Variants in NFKBIL1 observed in about 807,000 individuals in gnomAD.
NFKBIL1 encodes the protein NFKB inhibitor like 1.
NFKBIL1 carries 30 observed loss-of-function variants against 45.4 expected under a neutral mutation model. That is an observed-to-expected ratio of 0.66 (90% confidence interval 0.49 to 0.90). The LOEUF is 0.90. NFKBIL1 is among the 40% of genes least tolerant of loss of function. The pLI, the probability that NFKBIL1 is intolerant of heterozygous loss-of-function variation, is 0.00. For synonymous variants in NFKBIL1, 179 were observed against 197.3 expected, an observed-to-expected ratio of 0.91 and a Z score of 0.78; for missense variants, 434 against 513.4, an observed-to-expected ratio of 0.85 and a Z score of 1.49.
chr6:31,558,609 T>G lies in NFKBIL1; in HGVS notation c.1144T>G (p.Ter382GlyextTer2). The change falls in exon 4 of 4, where the codon TGA becomes GGA. Residue 382 changes from the stop codon to glycine, a stop_lost. Coordinates refer to ENST00000376148, the MANE Select transcript of NFKBIL1 (RefSeq NM_005007.4). This position sits in a 1 kb window ranked among gnomAD's most constrained non-coding sequence, Gnocchi z 7.2. Reference sequence around the variant, plus strand: ...GAATCGCCATGCAGAGGCCCTCAAGTGACCCTAGGGAAGAAGCAAGAAACT... The same window carrying G: ...GAATCGCCATGCAGAGGCCCTCAAGGGACCCTAGGGAAGAAGCAAGAAACT... Reference protein sequence around the residue: ...ALNRHAEALK* With the variant: ...ALNRHAEALKG The G allele has an allele frequency of 1.3e-6, 2 of 1,548,132 alleles. No homozygotes were observed. The highest frequency in any genetic ancestry group is 2.4e-5 in the South Asian group (2 of 84,044).
chr6:31,553,137 G>A (rs1182308932), intron 2 of NFKBIL1, among the ~76,000 whole-genome samples: 2 of 150,762 alleles, frequency 1.3e-5, no homozygotes, highest in African/African-American at 2.4e-5. Flanking sequence ...CGCCTCCCGG[G>A]TTCAAGCAAT....
chr6:31,558,659 G>A lies in NFKBIL1; in HGVS notation c.*48G>A. The A allele has an allele frequency of 1.4e-6, 2 of 1,459,772 alleles. No individual in the cohort carries two copies. Among genetic ancestry groups the A allele is most frequent in the Non-Finnish European group, 1.9e-6 (2 of 1,078,600 alleles). The allele number at this position is 1,459,772 out of a possible 1,614,324, so 90.4% of individuals were successfully genotyped here. A position where few individuals can be genotyped will look rare whatever the true frequency, so the allele number is the denominator to read the frequency against. Reference sequence around the variant, plus strand: ...TTCGGGGCTGCAGCCTCAGGATGAGGCAGAAGGAAGGGTAAGGGAAAGGAT... The same window carrying A: ...TTCGGGGCTGCAGCCTCAGGATGAGACAGAAGGAAGGGTAAGGGAAAGGAT... On this transcript the variant is annotated 3_prime_UTR_variant, in exon 4 of 4. Coordinates refer to ENST00000376148, the MANE Select transcript of NFKBIL1 (RefSeq NM_005007.4). This position sits in a 1 kb window ranked among gnomAD's most constrained non-coding sequence, Gnocchi z 7.2.
upstream of NFKBIL1, chr6:31,547,537 C>T (rs1769117985): frequency 2.0e-6 from 1 of 490,486 alleles, no homozygotes. Context: ...GGTAACGCCC[C>T]TCACAGTTCA....
At position 31,557,400 on chromosome 6, in the gene NFKBIL1, G is replaced by A. The variant is rs1769804513; in HGVS notation, c.335-228G>A. On this transcript the variant is annotated intron_variant, in intron 2 of 3. Transcript: ENST00000376148. This position sits in a 1 kb window ranked among gnomAD's most constrained non-coding sequence, Gnocchi z 5.4. ...TGGGATTACAGGCGTGAGCCACCGC[G>A]CCTGGCCGAGAATATTTTAAACTAC... Among the ~76,000 whole-genome samples, 1 of 152,138 alleles carries A rather than the reference G, an allele frequency of 6.6e-6. No individual in the cohort carries two copies. Among genetic ancestry groups the A allele is most frequent in the South Asian group, 2.1e-4 (1 of 4,832 alleles).
chr6:31,550,141 T>C (rs114205738), intron 2 of NFKBIL1, among the ~76,000 whole-genome samples: 4,649 of 150,394 alleles, frequency 0.031, 113 homozygotes, highest in Non-Finnish European at 0.047. Context: ...ACAGAGGTTG[T>C]GGTGAGCCGA....
In NFKBIL1 at chr6:31,548,417, T is replaced by C; in HGVS notation, c.312T>C (p.Ala104=). ...GCCATGGGGACACGGCACTGCATGC[T>C]GCTGCCCGCCAGGGCCCAGATGGTG... The part of the protein sequence containing the change: ...QDRHGDTALH[A]AARQGPDAYT... Residue 104 remains alanine (A), a synonymous_variant, in exon 2 of 4, where the codon GCT becomes GCC. Coordinates refer to ENST00000376148, the MANE Select transcript of NFKBIL1 (RefSeq NM_005007.4). 2 of 1,513,284 alleles carry C rather than the reference T, an allele frequency of 1.3e-6. No individual in the cohort carries two copies. The highest frequency in any genetic ancestry group is 1.8e-6 in the Non-Finnish European group (2 of 1,136,544). 93.7% of individuals were successfully genotyped at this position (1,513,284 alleles called of 1,614,324 possible). A position where few individuals can be genotyped will look rare whatever the true frequency, so the allele number is the denominator to read the frequency against.
rs1027713061 is a variant in NFKBIL1 at position 31,558,110 on chromosome 6, G to T, written c.645G>T (p.Gln215His). 3.2e-5 allele frequency: 52 copies of T among 1,612,230 alleles called. No homozygotes were observed. Among genetic ancestry groups the T allele is most frequent in the Non-Finnish European group, 4.2e-5 (50 of 1,179,858 alleles). Residue 215 changes from glutamine (Q) to histidine (H), a missense_variant, in exon 4 of 4, where the codon CAG (glutamine) becomes CAT (histidine). This residue lies in a region of NFKBIL1 where 23 missense variants were observed against 46.9 expected (regional missense o/e 0.49). Transcript: ENST00000376148. This position sits in a 1 kb window ranked among gnomAD's most constrained non-coding sequence, Gnocchi z 7.2. ...LAREHAQKCQQQQREAEGSRR... is the reference protein window; with the variant it reads ...LAREHAQKCQHQQREAEGSRR... ...GGGAACATGCCCAGAAGTGCCAGCA[G>T]CAGCAGCGAGAAGCAGAGGGATCCC...
At position 31,548,278 on chromosome 6, in the gene NFKBIL1, G is replaced by C; in HGVS notation, c.173G>C (p.Gly58Ala). The change falls in exon 2 of 4, where the codon GGC becomes GCC. Residue 58 changes from glycine (G) to alanine (A), a missense_variant. By Grantham distance (60) the Gly-to-Ala change is moderately conservative. Coordinates refer to ENST00000376148, the MANE Select transcript of NFKBIL1 (RefSeq NM_005007.4). ...RAQALLQRHP[G>A]LDVDAGQPPP... is the part of the protein sequence containing the mutation. ...CAGGCCCTCCTCCAGCGACACCCAGGCCTCGATGTAGATGCTGGGCAGCCC... is the reference window on the plus strand; with the variant it reads ...CAGGCCCTCCTCCAGCGACACCCAGCCCTCGATGTAGATGCTGGGCAGCCC... The C allele has an allele frequency of 6.2e-7, 1 of 1,612,462 alleles. No homozygotes were observed.
intron 1 of NFKBIL1, 102 bp downstream of exon 1, chr6:31,547,853 GT>G: frequency 3.8e-6 from 4 of 1,050,344 alleles, no homozygotes; most frequent in Non-Finnish European, 2.7e-6. Flanking sequence ...GCCCTGTTGG[GT>G]TTTTTTAAAG....
At chr6:31,554,099 A>G (rs944360845) in intron 2 of NFKBIL1, among the ~76,000 whole-genome samples, 3 of 152,240 alleles carry the variant, frequency 2.0e-5, no homozygotes, top group African/African-American at 7.2e-5. Context: ...ATATATTGAT[A>G]TAGATTTAAC....
rs749060023 is a variant in NFKBIL1 at position 31,558,173 on chromosome 6, G to T, written c.708G>T (p.Trp236Cys). The change falls in exon 4 of 4, where the codon TGG becomes TGT. Residue 236 changes from tryptophan to cysteine, a missense_variant. Coordinates refer to ENST00000376148, the MANE Select transcript of NFKBIL1 (RefSeq NM_005007.4). The surrounding 1 kb of genome is among the most constrained non-coding windows in gnomAD (Gnocchi z 7.2). ...PPRAEGSSQS[W>C]RQQEEEQRLF... The stretch of plus-strand genomic sequence containing the variant: ...GTGCTGAGGGCTCCAGCCAGAGCTG[G>T]CGACAGCAGGAGGAGGAGCAGCGGC... 3 of 1,610,160 alleles carry T rather than the reference G, an allele frequency of 1.9e-6. No individual in the cohort carries two copies. In the Admixed American group the frequency reaches 5.0e-5, roughly 27 times the overall value.
At chr6:31,551,805 A>G (rs1333251465) in intron 2 of NFKBIL1, among the ~76,000 whole-genome samples, 5 of 149,768 alleles carry the variant, frequency 3.3e-5, no homozygotes, top group Admixed American at 6.7e-5. Context: ...TTATTTGTTT[A>G]TTTATTTTTG....
In NFKBIL1 at chr6:31,557,749, AGAG is replaced by A. The variant is rs1466494994; in HGVS notation, c.462_464del (p.Glu156del). The A allele has an allele frequency of 6.2e-7, 1 of 1,612,426 alleles. No homozygotes were observed. Among genetic ancestry groups the A allele is most frequent in the African/African-American group, 1.3e-5 (1 of 74,918 alleles). ...GGGGACCCCCCTGGGATTCTGCTGA[AGAG>A]GAGGAAGAAGATGATGCCTCCAAGG... On this transcript the variant is annotated inframe_deletion, in exon 3 of 4. Coordinates refer to ENST00000376148, the MANE Select transcript of NFKBIL1 (RefSeq NM_005007.4). This position sits in a 1 kb window ranked among gnomAD's most constrained non-coding sequence, Gnocchi z 5.4.
chr6:31,549,772 G>T (rs559989829), intron 2 of NFKBIL1, among the ~76,000 whole-genome samples: 1 of 152,172 alleles, frequency 6.6e-6, no homozygotes, highest in Admixed American at 6.5e-5. Context: ...TGGTTCTTGG[G>T]CTGCCTAGGC....
chr6:31,555,235 C>CTTTTTTTTTT (rs9279346), intron 2 of NFKBIL1, among the ~76,000 whole-genome samples: 9 of 125,194 alleles, frequency 7.2e-5, no homozygotes, highest in East Asian at 2.2e-4. Flanking sequence ...TATTTTTTTT[C>CTTTTTTTTTT]TTTTTTTTTT....
In NFKBIL1 at chr6:31,557,824, G is replaced by T. The variant is rs768211476; in HGVS notation, c.531G>T (p.Trp177Cys). 1 of 1,604,116 alleles carries T rather than the reference G, an allele frequency of 6.2e-7. No homozygotes were observed. Among genetic ancestry groups the T allele is most frequent in the Non-Finnish European group, 8.5e-7 (1 of 1,173,696 alleles). ...TCCAGGGTGAGCTGGAGGACGAGTG[G>T]CAGGAAGTCATGGGGAGGTTTGAAG... ...QKLQGELEDE[W>C]QEVMGRFEGD... Residue 177 changes from tryptophan to cysteine, a missense_variant, in exon 3 of 4, where the codon TGG (tryptophan) becomes TGT (cysteine). Physicochemically the swap from Trp to Cys is radical, Grantham distance 215. Coordinates refer to ENST00000376148, the MANE Select transcript of NFKBIL1 (RefSeq NM_005007.4). This position sits in a 1 kb window ranked among gnomAD's most constrained non-coding sequence, Gnocchi z 5.4.
In NFKBIL1 at chr6:31,547,678, G is replaced by C; in HGVS notation, c.-17G>C. 2 of 1,600,276 alleles carry C rather than the reference G, an allele frequency of 1.2e-6. No individual in the cohort carries two copies. Among genetic ancestry groups the C allele is most frequent in the Non-Finnish European group, 1.7e-6 (2 of 1,170,866 alleles). ...CCTACGGCTCTGGGGGTACTTGGGGGGGCGGGGGCAGGTCTGATGAGTAAC... is the reference window on the plus strand; with the variant it reads ...CCTACGGCTCTGGGGGTACTTGGGGCGGCGGGGGCAGGTCTGATGAGTAAC... On this transcript the variant is annotated 5_prime_UTR_variant, in exon 1 of 4. Coordinates refer to ENST00000376148, the MANE Select transcript of NFKBIL1 (RefSeq NM_005007.4).
chr6:31,548,092 G>T (rs1769190952), intron 1 of NFKBIL1, 71 bp from the exon 2 acceptor site: 3 of 1,589,404 alleles, frequency 1.9e-6, no homozygotes, highest in South Asian at 2.2e-5. Flanking sequence ...AACAACAGGG[G>T]ATGTCAGAGA....
chr6:31,553,724 C>T (rs1320682796), intron 2 of NFKBIL1, among the ~76,000 whole-genome samples: 5 of 152,072 alleles, frequency 3.3e-5, no homozygotes, highest in East Asian at 1.9e-4. Context: ...AGTCCAGTCG[C>T]GCAATCTTGG....
Sources: allele counts gnomAD v4.1 joint callset (sites outside exome capture counted in the v4.1 genomes callset), GRCh38; gene constraint gnomAD v4.1.1; regional missense constraint gnomAD v4.1.1; non-coding constraint Gnocchi (gnomAD v3.1); transcripts MANE v1.5; gene names NCBI Gene and HGNC (gene_info 2026-07-23, HGNC 2026-07-21).